Variants in SCN3B observed in about 807,000 individuals in gnomAD.
The protein encoded by SCN3B is sodium voltage-gated channel beta subunit 3.
In SCN3B, 11 loss-of-function variants were observed where a neutral mutation model predicts 25.4. The observed-to-expected ratio is 0.43, with a 90% confidence interval of 0.27 to 0.72. SCN3B has a LOEUF of 0.72. Among genes scored for constraint, SCN3B ranks in the 30% least tolerant of loss-of-function variants. The probability of loss-of-function intolerance (pLI) is 0.18; values close to 1 mark genes in which losing one functional copy is unlikely to be tolerated. For missense variants in SCN3B, 218 were observed against 278.3 expected (o/e 0.78, Z 1.54); for synonymous variants, 109 against 110.7 (o/e 0.99, Z 0.09).
In SCN3B at chr11:123,633,120, C is replaced by A. The variant is rs1197089959; in HGVS notation, c.*679G>T. ...AGAGCCACTTAAATTACCATTGGTC[C>A]TTCCCAAGTCTCCTGTCCTTGTCTT... is the stretch of plus-strand genomic sequence containing the variant. On this transcript the variant is annotated 3_prime_UTR_variant, in exon 7 of 7. Transcript: ENST00000299333. 1 of 152,202 alleles carries A rather than the reference C, an allele frequency of 6.6e-6. No individual in the cohort carries two copies. The highest frequency in any genetic ancestry group is 1.5e-5 in the Non-Finnish European group (1 of 68,036). 9.4% of individuals were successfully genotyped at this position (152,202 alleles called of 1,614,324 possible). A position where few individuals can be genotyped will look rare whatever the true frequency, so the allele number is the denominator to read the frequency against.
At chr11:123,652,221 T>C (rs1473331092) in intron 2 of SCN3B, among the ~76,000 whole-genome samples, 2 of 152,232 alleles carry the variant, frequency 1.3e-5, no homozygotes, top group Non-Finnish European at 2.9e-5. Context: ...CCTCGTGTCC[T>C]CAGCCTTAGC....
At position 123,632,614 on chromosome 11, in the gene SCN3B, C is replaced by G. The variant is rs907995787; in HGVS notation, c.*1185G>C. The G allele has an allele frequency of 6.6e-6, 1 of 152,034 alleles. No individual in the cohort carries two copies. The highest frequency in any genetic ancestry group is 6.6e-5 in the Admixed American group (1 of 15,246). The allele number at this position is 152,034 out of a possible 1,614,324, so 9.4% of individuals were successfully genotyped here. On this transcript the variant is annotated 3_prime_UTR_variant, in exon 7 of 7. Transcript: ENST00000299333. ...ACTAGCCTGGCCAACATAGTCAAAC[C>G]CTGTCTGTACTAAAAATACAAAATT...
chr11:123,639,634 TC>T (rs943720535), intron 4 of SCN3B: 2 of 152,296 alleles, frequency 1.3e-5, no homozygotes, highest in African/African-American at 4.8e-5. Flanking sequence ...TGCCCTGGCC[TC>T]CCAACGTGCT....
chr11:123,642,797 G>C lies in SCN3B; in HGVS notation c.220-126C>G. 1 of 756,174 alleles carries C rather than the reference G, an allele frequency of 1.3e-6. No homozygotes were observed. The highest frequency in any genetic ancestry group is 2.3e-6 in the Non-Finnish European group (1 of 434,408). 46.8% of individuals were successfully genotyped at this position (756,174 alleles called of 1,614,324 possible). A position where few individuals can be genotyped will look rare whatever the true frequency, so the allele number is the denominator to read the frequency against. Reference sequence around the variant, plus strand: ...ATGGACAGGGAAGAGAGGGGACAATGCCACCGGGAGACCCAGAATGTGGGG... The same window carrying C: ...ATGGACAGGGAAGAGAGGGGACAATCCCACCGGGAGACCCAGAATGTGGGG... On this transcript the variant is annotated intron_variant, in intron 3 of 6. Transcript: ENST00000299333. This position sits in a 1 kb window ranked among gnomAD's most constrained non-coding sequence, Gnocchi z 4.3.
chr11:123,650,882 A>G (rs1300793636), intron 2 of SCN3B, among the ~76,000 whole-genome samples: 1 of 152,208 alleles, frequency 6.6e-6, no homozygotes, highest in East Asian at 1.9e-4. Context: ...ATTGAAAATT[A>G]CATTGTAAAC....
At chr11:123,649,895 G>C (rs967487877) in intron 2 of SCN3B, among the ~76,000 whole-genome samples, 1 of 151,948 alleles carries the variant, frequency 6.6e-6, no homozygotes, top group African/African-American at 2.4e-5. Flanking sequence ...GTAAAGACAG[G>C]GTTTCACTAT....
intron 2 of SCN3B, among the ~76,000 whole-genome samples, chr11:123,650,065 G>A (rs1955906583): frequency 6.6e-6 from 1 of 152,136 alleles, no homozygotes; most frequent in African/African-American, 2.4e-5. Context: ...AAATATGGCA[G>A]GAGCTCAAAC....
intron 3 of SCN3B, among the ~76,000 whole-genome samples, chr11:123,643,338 T>C (rs1955812597): frequency 6.6e-6 from 1 of 152,238 alleles, no homozygotes. Flanking sequence ...TAAAATATCA[T>C]CTTTTAAATT....
chr11:123,651,671 G>C (rs990662354), intron 2 of SCN3B, among the ~76,000 whole-genome samples: 7 of 152,168 alleles, frequency 4.6e-5, no homozygotes, highest in Admixed American at 2.6e-4. Flanking sequence ...GCGAAGGGAA[G>C]CTGTTTTTCT....
rs974544911 is a variant in SCN3B, at chr11:123,642,790, G to A, written c.220-119C>T. ...ATTGTGCATGGACAGGGAAGAGAGG[G>A]GACAATGCCACCGGGAGACCCAGAA... On this transcript the variant is annotated intron_variant, in intron 3 of 6. Coordinates refer to ENST00000299333, the MANE Select transcript of SCN3B (RefSeq NM_001040151.2). This position sits in a 1 kb window ranked among gnomAD's most constrained non-coding sequence, Gnocchi z 4.3. 3.8e-6 allele frequency: 3 copies of A among 787,290 alleles called. No homozygotes were observed. Among genetic ancestry groups the A allele is most frequent in the African/African-American group, 3.4e-5 (2 of 58,764 alleles). The allele number at this position is 787,290 out of a possible 1,614,324, so 48.8% of individuals were successfully genotyped here.
rs142044818 is a variant in SCN3B, at chr11:123,638,682, A to T, written c.446-358T>A. ...TTTCTTAATTTGTAGGTTGAGGATA[A>T]TAACACCAGTCAGGGGTTTGTGAAT... is the stretch of plus-strand genomic sequence containing the variant. On this transcript the variant is annotated intron_variant, in intron 4 of 6. Coordinates refer to ENST00000299333, the MANE Select transcript of SCN3B (RefSeq NM_001040151.2). 8.3e-3 allele frequency: 2,932 copies of T among 355,250 alleles called. 15 individuals carry two copies. Among genetic ancestry groups the T allele is most frequent in the Non-Finnish European group, 0.011 (2,078 of 184,436 alleles). 22.0% of individuals were successfully genotyped at this position (355,250 alleles called of 1,614,324 possible).
rs980121043 is a variant in SCN3B, at chr11:123,642,390, C to T, written c.445+56G>A. ...TCACTCGTGGAAAACTGCTGTCCTA[C>T]CCTTCCCTGTCCACAGAGAGCAGGA... is the stretch of plus-strand genomic sequence containing the variant. On this transcript the variant is annotated intron_variant, in intron 4 of 6. Transcript: ENST00000299333. This position sits in a 1 kb window ranked among gnomAD's most constrained non-coding sequence, Gnocchi z 4.3. 24 of 1,557,454 alleles carry T rather than the reference C, an allele frequency of 1.5e-5. No homozygotes were observed. In the Admixed American group the frequency reaches 4.0e-4, roughly 26 times the overall value.
rs751826899 is a variant in SCN3B, at chr11:123,634,165, G to A, written c.626C>T (p.Ser209Phe). ...LAIPSENKEN[S>F]AVPVEE ...GTTCTATTCCTCCACTGGTACCGCA[G>A]AGTTCTCCTTGTTCTCAGATGGGAT... The change falls in exon 6 of 7, where the codon TCT (serine) becomes TTT (phenylalanine). Residue 209 changes from serine (S) to phenylalanine (F), a missense_variant. Transcript: ENST00000299333. The A allele has an allele frequency of 3.1e-6, 5 of 1,613,898 alleles. No individual in the cohort carries two copies. The South Asian group carries it at 5.5e-5, about 18-fold the overall frequency.
At chr11:123,649,911 C>T (rs2137252631) in intron 2 of SCN3B, among the ~76,000 whole-genome samples, 1 of 152,212 alleles carries the variant, frequency 6.6e-6, no homozygotes, top group South Asian at 2.1e-4. Context: ...ACTATGTTGG[C>T]CAGGCTAGTC....
At position 123,642,496 on chromosome 11, in the gene SCN3B, C is replaced by T. The variant is rs755967151; in HGVS notation, c.395G>A (p.Arg132Gln). 58 of 1,613,972 alleles carry T rather than the reference C, an allele frequency of 3.6e-5. No homozygotes were observed. Among genetic ancestry groups the T allele is most frequent in the Non-Finnish European group, 4.4e-5 (52 of 1,180,042 alleles). ...VSREFEFEAHRPFVKTTRLIP... is the reference protein window; with the variant it reads ...VSREFEFEAHQPFVKTTRLIP... Reference sequence around the variant, plus strand: ...CAGCCGCGTCGTCTTCACAAAGGGCCGATGCGCCTCAAACTCAAACTCCCG... The same window carrying T: ...CAGCCGCGTCGTCTTCACAAAGGGCTGATGCGCCTCAAACTCAAACTCCCG... Residue 132 changes from arginine (R) to glutamine (Q), a missense_variant, in exon 4 of 7, where the codon CGG becomes CAG. By Grantham distance (43) the Arg-to-Gln change is conservative. Transcript: ENST00000299333. The surrounding 1 kb of genome is among the most constrained non-coding windows in gnomAD (Gnocchi z 4.3).
intron 3 of SCN3B, among the ~76,000 whole-genome samples, chr11:123,644,790 AGAGAGAGAGAAT>A (rs1955828985): frequency 1.2e-5 from 1 of 83,300 alleles, no homozygotes; most frequent in African/African-American, 4.2e-5. Flanking sequence ...AGAGAGAGAG[AGAGAGAGAGAAT>A]ATATATATAT....
chr11:123,649,638 T>TTTTTTTCTTTCTTTC (rs1955897948), intron 2 of SCN3B, among the ~76,000 whole-genome samples: 1 of 106,494 alleles, frequency 9.4e-6, no homozygotes, highest in Non-Finnish European at 2.1e-5. Flanking sequence ...TCTTTCTTTC[T>TTTTTTTCTTTCTTTC]TTTTTTTCTT....
chr11:123,652,655 G>A (rs924873358), intron 2 of SCN3B, among the ~76,000 whole-genome samples: 2 of 152,134 alleles, frequency 1.3e-5, no homozygotes, highest in African/African-American at 2.4e-5. Context: ...ATTTTTGCAC[G>A]GAGAAAGGTA....
intron 2 of SCN3B, among the ~76,000 whole-genome samples, chr11:123,650,446 T>C (rs932743699): frequency 6.6e-6 from 1 of 152,208 alleles, no homozygotes; most frequent in African/African-American, 2.4e-5. Context: ...GCTGACACCC[T>C]GACGTGACTT....
Sources: allele counts gnomAD v4.1 joint callset (sites outside exome capture counted in the v4.1 genomes callset), GRCh38; gene constraint gnomAD v4.1.1; non-coding constraint Gnocchi (gnomAD v3.1); transcripts MANE v1.5; gene names NCBI Gene and HGNC (gene_info 2026-07-23, HGNC 2026-07-21).